NEGR1: variants seen among roughly 807,000 people sequenced by gnomAD.
NEGR1 encodes the protein neuronal growth regulator 1.
A neutral mutation model predicts 40.9 loss-of-function variants in NEGR1; 10 were observed. The ratio of observed to expected loss-of-function variants is 0.24; its 90% CI spans 0.15 to 0.42. The LOEUF (loss-of-function observed/expected upper bound fraction) is 0.42. Ranked by LOEUF, NEGR1 falls within the 10% of genes least tolerant of loss-of-function variation. The pLI is 1.00. For synonymous variants in NEGR1, 185 were observed against 166.8 expected (o/e 1.11, Z -0.84); for missense variants, 352 against 438.9 (o/e 0.80, Z 1.77).
chr1:72,036,612 C>T lies in NEGR1; in HGVS notation c.177-101301G>A, dbSNP rs530627722. Among the ~76,000 whole-genome samples, 142 of 147,282 alleles carry T rather than the reference C, an allele frequency of 9.6e-4. No homozygotes were observed. In the South Asian group the frequency reaches 0.019, roughly 20 times the overall value. The stretch of plus-strand genomic sequence containing the variant: ...CGGAGGTTGCAGTGAGCCGAGATTG[C>T]GCTATTGTACTCCAGCCTGGGAGAC... On this transcript the variant is annotated intron_variant, in intron 1 of 6. Coordinates refer to ENST00000357731, the MANE Select transcript of NEGR1 (RefSeq NM_173808.3).
intron 3 of NEGR1, among the ~76,000 whole-genome samples, chr1:71,700,270 G>C (rs1653644408): frequency 6.6e-6 from 1 of 151,878 alleles, no homozygotes; most frequent in African/African-American, 2.4e-5. Flanking sequence ...GATAGTTAAA[G>C]AGATTAAATA....
chr1:71,452,277 A>G (rs548223483), intron 6 of NEGR1, among the ~76,000 whole-genome samples: 74 of 152,334 alleles, frequency 4.9e-4, no homozygotes, highest in African/African-American at 1.7e-3. Flanking sequence ...TGATATCACT[A>G]CACATTACAT....
intron 3 of NEGR1, among the ~76,000 whole-genome samples, chr1:71,764,515 C>T (rs1487545141): frequency 6.6e-6 from 1 of 152,106 alleles, no homozygotes; most frequent in Non-Finnish European, 1.5e-5. Flanking sequence ...GAGTGATTTT[C>T]TTATTCAAGT....
intron 3 of NEGR1, among the ~76,000 whole-genome samples, chr1:71,721,203 T>A (rs920509849): frequency 2.6e-5 from 4 of 152,064 alleles, no homozygotes; most frequent in African/African-American, 7.2e-5. Context: ...ATTTACACCA[T>A]TTTTTTCTTT....
intron 2 of NEGR1, among the ~76,000 whole-genome samples, chr1:71,887,699 T>C (rs896142534): frequency 6.6e-6 from 1 of 152,162 alleles, no homozygotes; most frequent in African/African-American, 2.4e-5. Flanking sequence ...TATTGTTAAC[T>C]GAAGCCACTT....
chr1:71,438,627 G>A (rs1368488327), intron 6 of NEGR1, among the ~76,000 whole-genome samples: 1 of 152,162 alleles, frequency 6.6e-6, no homozygotes, highest in East Asian at 1.9e-4. Flanking sequence ...TATTTGTTTA[G>A]TGCACCAAAC....
intron 1 of NEGR1, among the ~76,000 whole-genome samples, chr1:72,239,609 G>A (rs1266671557): frequency 6.6e-6 from 1 of 151,588 alleles, no homozygotes. Context: ...TTCATTTCAA[G>A]AAAATTGCAA....
intron 1 of NEGR1, among the ~76,000 whole-genome samples, chr1:72,255,025 A>G (rs982494219): frequency 3.9e-5 from 6 of 152,122 alleles, no homozygotes; most frequent in African/African-American, 1.2e-4. Context: ...CATTATCCAC[A>G]TTAGATTTTC....
Position 72,125,646 on chromosome 1 carries a change from G to T in NEGR1, c.176+156673C>A, listed in dbSNP as rs75198384. Among the ~76,000 whole-genome samples the T allele has an allele frequency of 1.6e-3, 245 of 152,152 alleles. 1 individual carries two copies. Among genetic ancestry groups the T allele is most frequent in the Admixed American group, 3.9e-3 (60 of 15,280 alleles). On this transcript the variant is annotated intron_variant, in intron 1 of 6. Coordinates refer to ENST00000357731, the MANE Select transcript of NEGR1 (RefSeq NM_173808.3). ...ACAGAGCACAGATAGTGTATTAAATGGACCAAATATAGCAGCTCACGCTTA... is the reference window on the plus strand; with the variant it reads ...ACAGAGCACAGATAGTGTATTAAATTGACCAAATATAGCAGCTCACGCTTA...
At chr1:71,575,889 A>G (rs1203853226) in intron 6 of NEGR1, among the ~76,000 whole-genome samples, 1 of 152,252 alleles carries the variant, frequency 6.6e-6, no homozygotes, top group African/African-American at 2.4e-5. Context: ...TTGGAAGGCT[A>G]CTAGGTTTTT....
At chr1:71,667,298 T>A (rs982510124) in intron 4 of NEGR1, among the ~76,000 whole-genome samples, 1 of 152,186 alleles carries the variant, frequency 6.6e-6, no homozygotes, top group Admixed American at 6.5e-5. Context: ...CCTGCCACAA[T>A]GACAGTCAAA....
At chr1:72,167,462 T>G (rs946516936) in intron 1 of NEGR1, among the ~76,000 whole-genome samples, 2 of 152,078 alleles carry the variant, frequency 1.3e-5, no homozygotes, top group Admixed American at 1.3e-4. Flanking sequence ...TTTTATAAAC[T>G]TAATAAAATA....
At position 72,201,056 on chromosome 1, in the gene NEGR1, C is replaced by T. The variant is rs1038288784; in HGVS notation, c.176+81263G>A. Among the ~76,000 whole-genome samples, 4 of 151,838 alleles carry T rather than the reference C, an allele frequency of 2.6e-5. 1 individual carries two copies. In the South Asian group the frequency reaches 8.3e-4, roughly 31 times the overall value. ...GATATATGAATGGGTAATGTAGACT[C>T]TACTCACTTGAAAATCTCTCTCATT... On this transcript the variant is annotated intron_variant, in intron 1 of 6. Coordinates refer to ENST00000357731, the MANE Select transcript of NEGR1 (RefSeq NM_173808.3).
At chr1:72,005,445 T>C (rs1646598562) in intron 1 of NEGR1, among the ~76,000 whole-genome samples, 1 of 152,168 alleles carries the variant, frequency 6.6e-6, no homozygotes, top group South Asian at 2.1e-4. Context: ...ATATATTCTT[T>C]CTCTTGACAA....
chr1:71,942,483 A>ATTT (rs1162818244), intron 1 of NEGR1, among the ~76,000 whole-genome samples: 2 of 18,612 alleles, frequency 1.1e-4, no homozygotes, highest in African/African-American at 1.9e-4. Flanking sequence ...ATATATATAT[A>ATTT]TTTTTTTTTT....
intron 6 of NEGR1, among the ~76,000 whole-genome samples, chr1:71,434,508 C>A (rs1347268430): frequency 6.6e-6 from 1 of 152,062 alleles, no homozygotes; most frequent in Non-Finnish European, 1.5e-5. Context: ...GTGAGAAATT[C>A]ATCTCTCCAA....
At chr1:71,667,154 T>C (rs141893830) in intron 4 of NEGR1, among the ~76,000 whole-genome samples, 5 of 152,302 alleles carry the variant, frequency 3.3e-5, no homozygotes, top group Non-Finnish European at 5.9e-5. Flanking sequence ...AAACAGAATT[T>C]TAGCAAATGC....
chr1:71,635,900 G>A (rs1204723136), intron 4 of NEGR1, among the ~76,000 whole-genome samples: 1 of 151,714 alleles, frequency 6.6e-6, no homozygotes, highest in African/African-American at 2.4e-5. Context: ...TGTATATTTT[G>A]TCATATTTTA....
At chr1:71,582,118 CA>C (rs1334929700) in intron 6 of NEGR1, among the ~76,000 whole-genome samples, 5 of 151,696 alleles carry the variant, frequency 3.3e-5, no homozygotes, top group Non-Finnish European at 7.4e-5. Flanking sequence ...GACATTTTTG[CA>C]AGGTATACAA....
Sources: gnomAD v4.1 joint callset for allele counts (sites outside exome capture counted in the v4.1 genomes callset) on GRCh38, gnomAD v4.1.1 for gene constraint, MANE v1.5 for transcripts, NCBI Gene and HGNC (gene_info 2026-07-23, HGNC 2026-07-21) for gene names.